Variants in DOCK8 observed in about 807,000 individuals in gnomAD.
The protein encoded by DOCK8 is dedicator of cytokinesis 8.
Under a neutral mutation model 245.6 loss-of-function variants are expected in DOCK8, and 141 were observed. The observed-to-expected ratio is 0.57, with a 90% CI of 0.50 to 0.66. The LOEUF (loss-of-function observed/expected upper bound fraction) is 0.66. Ranked by LOEUF, DOCK8 falls within the 30% of genes least tolerant of loss-of-function variation. DOCK8 has a pLI of 0.00. For missense variants in DOCK8, 2,965 were observed against 2,603.4 expected (o/e 1.14, Z -3.02); for synonymous variants, 1,168 against 970.2 (o/e 1.20, Z -3.79).
intron 25 of DOCK8, among the ~76,000 whole-genome samples, chr9:397,314 G>GCA (rs1461182549): frequency 1.4e-5 from 2 of 145,146 alleles, no homozygotes; most frequent in Non-Finnish European, 3.0e-5. Flanking sequence ...TGGTGCCACA[G>GCA]CACTCCAGCC....
chr9:399,179 C>T lies in DOCK8; in HGVS notation c.3154C>T (p.Leu1052=), dbSNP rs765122994. The change falls in exon 26 of 48, where the codon CTG becomes TTG. Residue 1052 remains leucine, a synonymous_variant. Transcript: ENST00000432829. ...ACAGGCGGAAAAGATGAACATCAGC[C>T]TGGCTTTCTTCTTGTATGACCTTCT... ...NEQAEKMNIS[L]AFFLYDLLSL... 8.1e-5 allele frequency: 130 copies of T among 1,613,928 alleles called. No homozygotes were observed. The highest frequency in any genetic ancestry group is 1.1e-4 in the Non-Finnish European group (126 of 1,180,018).
intron 2 of DOCK8, chr9:280,808 T>C (rs931877025): frequency 2.0e-5 from 3 of 152,220 alleles, no homozygotes; most frequent in African/African-American, 7.2e-5. Context: ...AGGAGAACTC[T>C]CTTGTAGCTC....
chr9:403,481 C>T (rs2055208506), intron 26 of DOCK8, among the ~76,000 whole-genome samples: 1 of 152,108 alleles, frequency 6.6e-6, no homozygotes, highest in African/African-American at 2.4e-5. Flanking sequence ...TATATAATGG[C>T]ATTTACTTAT....
At chr9:249,396 C>T (rs12352122) in intron 1 of DOCK8, among the ~76,000 whole-genome samples, 1,808 of 152,258 alleles carry the variant, frequency 0.012, 35 homozygotes, top group African/African-American at 0.041. Context: ...GTTTTCTATA[C>T]TGTCAGCAGC....
intron 4 of DOCK8, among the ~76,000 whole-genome samples, chr9:303,514 A>G (rs2049660757): frequency 6.6e-6 from 1 of 152,178 alleles, no homozygotes. Context: ...GCTGGAGGCC[A>G]TTATCCTAAA....
chr9:335,108 C>T (rs945807514), intron 11 of DOCK8, among the ~76,000 whole-genome samples: 5 of 152,052 alleles, frequency 3.3e-5, no homozygotes, highest in African/African-American at 1.2e-4. Flanking sequence ...GAGAAAAACT[C>T]AAGTTTCCCA....
intron 1 of DOCK8, among the ~76,000 whole-genome samples, chr9:244,224 G>C (rs532399592): frequency 2.7e-5 from 4 of 146,272 alleles, no homozygotes; most frequent in Non-Finnish European, 6.0e-5. Context: ...AGCTCTCAAA[G>C]TTTTCCTCCA....
At chr9:216,820 C>T (rs893472108) in intron 1 of DOCK8, among the ~76,000 whole-genome samples, 5 of 152,090 alleles carry the variant, frequency 3.3e-5, no homozygotes, top group Admixed American at 6.6e-5. Context: ...GGCCGAGACC[C>T]GGACTAATCC....
intron 21 of DOCK8, among the ~76,000 whole-genome samples, chr9:381,653 T>A (rs1156543448): frequency 6.6e-6 from 1 of 152,124 alleles, no homozygotes; most frequent in African/African-American, 2.4e-5. Flanking sequence ...TTGATTGAGT[T>A]TTTAAAAATA....
Position 244,404 on chromosome 9 carries a change from C to T in DOCK8, c.54-27223C>T, listed in dbSNP as rs545350250. 1.6e-3 allele frequency among the ~76,000 whole-genome samples: 236 copies of T among 152,042 alleles called. 3 individuals carry two copies. Among genetic ancestry groups the T allele is most frequent in the African/African-American group, 5.5e-3 (226 of 41,432 alleles). On this transcript the variant is annotated intron_variant, in intron 1 of 47. Transcript: ENST00000432829. ...CATTTAAAAAACGCTGGTCACAAGC[C>T]ACTAAACTGATCTCAGATCAGACTT...
At chr9:439,994 G>A (rs2057037969) in intron 40 of DOCK8, among the ~76,000 whole-genome samples, 1 of 152,044 alleles carries the variant, frequency 6.6e-6, no homozygotes, top group Non-Finnish European at 1.5e-5. Flanking sequence ...TTGAGATTCA[G>A]GGCAAAGAGG....
intron 2 of DOCK8, among the ~76,000 whole-genome samples, chr9:275,404 G>A (rs185385527): frequency 6.6e-5 from 10 of 152,138 alleles, no homozygotes; most frequent in South Asian, 2.1e-4. Flanking sequence ...GCTTGATTGA[G>A]AAGGCTGAGA....
Position 420,550 on chromosome 9 carries a change from A to C in DOCK8, c.3990A>C (p.Leu1330=), listed in dbSNP as rs1329844696. 1 of 1,614,180 alleles carries C rather than the reference A, an allele frequency of 6.2e-7. No homozygotes were observed. Among genetic ancestry groups the C allele is most frequent in the Non-Finnish European group, 8.5e-7 (1 of 1,180,040 alleles). ...CGCAGCTCAACAGGATTTTAGATCTACTTTTCATCTGTGTGTTATGTTTTG... is the reference window on the plus strand; with the variant it reads ...CGCAGCTCAACAGGATTTTAGATCTCCTTTTCATCTGTGTGTTATGTTTTG... ...PSTQLNRILD[L]LFICVLCFEY... is the part of the protein sequence containing the mutation. Residue 1330 remains leucine (L), a synonymous_variant, in exon 31 of 48, where the codon CTA becomes CTC. Coordinates refer to ENST00000432829, the MANE Select transcript of DOCK8 (RefSeq NM_203447.4).
At chr9:281,621 A>G (rs1407715285) in intron 2 of DOCK8, among the ~76,000 whole-genome samples, 1 of 133,586 alleles carries the variant, frequency 7.5e-6, no homozygotes, top group Non-Finnish European at 1.6e-5. Flanking sequence ...CACTAGATGT[A>G]TGTATATATG....
chr9:286,263 C>A (rs968259379), intron 2 of DOCK8, among the ~76,000 whole-genome samples, 198 bp from the exon 3 acceptor site: 2 of 152,172 alleles, frequency 1.3e-5, no homozygotes, highest in Non-Finnish European at 2.9e-5. Context: ...CATGTTATGA[C>A]TTGACTTTCT....
chr9:332,321 TA>T, intron 9 of DOCK8, 76 bp from the exon 10 acceptor site: 1 of 986,908 alleles, frequency 1.0e-6, no homozygotes, highest in Non-Finnish European at 1.6e-6. Context: ...TCATAAAATG[TA>T]ATTTTGATGG....
intron 14 of DOCK8, among the ~76,000 whole-genome samples, chr9:352,690 C>T (rs2052229798): frequency 6.7e-6 from 1 of 149,032 alleles, no homozygotes; most frequent in Non-Finnish European, 1.5e-5. Context: ...TGCAGTGAGC[C>T]AAGATCGCGC....
chr9:402,985 G>A (rs1225764788), intron 26 of DOCK8, among the ~76,000 whole-genome samples: 1 of 152,184 alleles, frequency 6.6e-6, no homozygotes, highest in Non-Finnish European at 1.5e-5. Context: ...CGCCTCACAG[G>A]TTCAAGCGAT....
chr9:435,030 T>G, intron 39 of DOCK8, 55 bp downstream of exon 39: 5 of 1,596,180 alleles, frequency 3.1e-6, no homozygotes, highest in Non-Finnish European at 3.4e-6. Flanking sequence ...GGGGCGATTT[T>G]GTCCCCCAGC....
Sources: gnomAD v4.1 joint callset for allele counts (sites outside exome capture counted in the v4.1 genomes callset) on GRCh38, gnomAD v4.1.1 for gene constraint, MANE v1.5 for transcripts, NCBI Gene and HGNC (gene_info 2026-07-23, HGNC 2026-07-21) for gene names.